The following RPTOR variants were observed in gnomAD, a reference collection of about 807,000 sequenced individuals.
The protein encoded by RPTOR is regulatory-associated protein of mTOR.
Under a neutral mutation model 169.9 loss-of-function variants are expected in RPTOR, and 21 were observed. The observed-to-expected ratio is 0.12, with a 90% confidence interval of 0.09 to 0.18. RPTOR has a LOEUF of 0.18. Among genes scored for constraint, RPTOR ranks in the 10% least tolerant of loss-of-function variants. The pLI, the probability that RPTOR is intolerant of heterozygous loss-of-function variation, is 1.00. For synonymous variants in RPTOR, 732 were observed against 753.2 expected (o/e 0.97, Z 0.46); for missense variants, 1,133 against 1,855.9 (o/e 0.61, Z 7.16).
intron 2 of RPTOR, among the ~76,000 whole-genome samples, chr17:80,635,130 A>T (rs1050003305): frequency 6.6e-6 from 1 of 151,866 alleles, no homozygotes; most frequent in African/African-American, 2.4e-5. Context: ...TCCTGTGTGA[A>T]CCCTCTTCTC....
At position 80,707,066 on chromosome 17, in the gene RPTOR, A is replaced by AT. The variant is rs2066147377; in HGVS notation, c.349-773dup. On this transcript the variant is annotated intron_variant, in intron 3 of 33. Transcript: ENST00000306801. The surrounding 1 kb of genome is among the most constrained non-coding windows in gnomAD (Gnocchi z 5.0). ...ATTGATTGTTCTCTGTCAGTTTTAG[A>AT]TTCTGCTCATTCAGGGTTAAGGGCC... 6.6e-6 allele frequency among the ~76,000 whole-genome samples: 1 copy of AT among 152,070 alleles called. No individual in the cohort carries two copies. The highest frequency in any genetic ancestry group is 1.5e-5 in the Non-Finnish European group (1 of 68,014).
At chr17:80,779,449 G>A (rs916790400) in intron 6 of RPTOR, among the ~76,000 whole-genome samples, 1 of 152,202 alleles carries the variant, frequency 6.6e-6, no homozygotes, top group Non-Finnish European at 1.5e-5. Flanking sequence ...CGCAAGCAGC[G>A]TGCGGATCTC....
intron 9 of RPTOR, among the ~76,000 whole-genome samples, chr17:80,827,125 T>C (rs1238034346): frequency 2.0e-5 from 3 of 152,164 alleles, no homozygotes; most frequent in Non-Finnish European, 4.4e-5. Flanking sequence ...TGAAGCTGAT[T>C]TGTGCTGAAA....
At position 80,766,092 on chromosome 17, in the gene RPTOR, G is replaced by A. The variant is rs140114013; in HGVS notation, c.830+11907G>A. On this transcript the variant is annotated intron_variant, in intron 6 of 33. Transcript: ENST00000306801. ...TTTTTTTAAGACGTGATCTTGCTTTGTCACCCAGGCTGGAGTGCAGTGGTG... is the reference window on the plus strand; with the variant it reads ...TTTTTTTAAGACGTGATCTTGCTTTATCACCCAGGCTGGAGTGCAGTGGTG... 1.3e-3 allele frequency among the ~76,000 whole-genome samples: 205 copies of A among 152,200 alleles called. 1 individual carries two copies. Among genetic ancestry groups the A allele is most frequent in the African/African-American group, 4.7e-3 (195 of 41,534 alleles).
At chr17:80,753,708 T>TA (rs2066652858) in intron 5 of RPTOR, among the ~76,000 whole-genome samples, 1 of 150,032 alleles carries the variant, frequency 6.7e-6, no homozygotes, top group Non-Finnish European at 1.5e-5. Context: ...TGGACAGTGA[T>TA]ACAATCCTGG....
intron 1 of RPTOR, among the ~76,000 whole-genome samples, chr17:80,600,856 C>T (rs1033589410): frequency 6.6e-6 from 1 of 151,228 alleles, no homozygotes; most frequent in Non-Finnish European, 1.5e-5. Flanking sequence ...CAGCATCTCC[C>T]GCCGCACGTG....
intron 4 of RPTOR, among the ~76,000 whole-genome samples, chr17:80,717,614 C>G (rs906448703): frequency 1.3e-5 from 2 of 152,308 alleles, no homozygotes; most frequent in African/African-American, 4.8e-5. Flanking sequence ...AGTCTTTCAG[C>G]CTTCAGATAG....
At chr17:80,608,910 G>C (rs775024320) in intron 1 of RPTOR, among the ~76,000 whole-genome samples, 1 of 152,234 alleles carries the variant, frequency 6.6e-6, no homozygotes, top group Non-Finnish European at 1.5e-5. Flanking sequence ...AGGGTGGTCA[G>C]ACGCCTATTA....
chr17:80,696,648 G>C (rs2066039201), intron 3 of RPTOR, among the ~76,000 whole-genome samples: 1 of 152,244 alleles, frequency 6.6e-6, no homozygotes, highest in South Asian at 2.1e-4. Flanking sequence ...AGTGGGCGCA[G>C]AAGGGACACA....
chr17:80,796,351 G>C (rs963924876), intron 7 of RPTOR, among the ~76,000 whole-genome samples: 1 of 152,220 alleles, frequency 6.6e-6, no homozygotes, highest in African/African-American at 2.4e-5. Flanking sequence ...ATCACACTGG[G>C]TAATTTATAA....
At chr17:80,576,652 G>A (rs1208923877) in intron 1 of RPTOR, among the ~76,000 whole-genome samples, 3 of 152,138 alleles carry the variant, frequency 2.0e-5, no homozygotes, top group East Asian at 1.9e-4. Flanking sequence ...TTCTCATGAC[G>A]GTCTACTGAT....
intron 11 of RPTOR, among the ~76,000 whole-genome samples, chr17:80,854,196 G>A (rs527434382): frequency 1.9e-4 from 29 of 152,306 alleles, no homozygotes; most frequent in African/African-American, 6.7e-4. Context: ...AAATCCAGAT[G>A]AAAAGGATGT....
intron 1 of RPTOR, among the ~76,000 whole-genome samples, chr17:80,604,793 T>C (rs944799880): frequency 2.0e-5 from 3 of 152,130 alleles, no homozygotes; most frequent in African/African-American, 7.2e-5. Flanking sequence ...TTATTCACCA[T>C]CATGAGAACA....
rs1224221766 is a variant in RPTOR at position 80,841,811 on chromosome 17, G to A, written c.1212+3814G>A. On this transcript the variant is annotated intron_variant, in intron 10 of 33. Transcript: ENST00000306801. ...CACCGCACGGCAGCTCACACTCACC[G>A]CACGGCAGCTCACTCTCACCGCACG... Among the ~76,000 whole-genome samples, 295 of 105,934 alleles carry A rather than the reference G, an allele frequency of 2.8e-3. 2 individuals carry two copies. The highest frequency in any genetic ancestry group is 9.5e-3 in the African/African-American group (252 of 26,558). The allele number at this position is 105,934 out of a possible 152,430, so 69.5% of individuals were successfully genotyped here. A position where few individuals can be genotyped will look rare whatever the true frequency, so the allele number is the denominator to read the frequency against.
intron 14 of RPTOR, 75 bp downstream of exon 14, chr17:80,880,564 G>A: frequency 7.1e-7 from 1 of 1,412,444 alleles, no homozygotes; most frequent in Non-Finnish European, 1.0e-6. Context: ...GCACTGCGGT[G>A]GGGCCTTTTG....
chr17:80,668,684 T>C (rs890605056), intron 3 of RPTOR, among the ~76,000 whole-genome samples: 11 of 152,232 alleles, frequency 7.2e-5, no homozygotes, highest in African/African-American at 2.7e-4. Flanking sequence ...GATCTCCTCT[T>C]TTCTGTCCAG....
At chr17:80,589,163 G>A (rs2065085117) in intron 1 of RPTOR, among the ~76,000 whole-genome samples, 1 of 152,220 alleles carries the variant, frequency 6.6e-6, no homozygotes, top group Non-Finnish European at 1.5e-5. Flanking sequence ...CATATGGTAT[G>A]AAGTAAGGGC....
chr17:80,769,359 G>A (rs1224956058), intron 6 of RPTOR, among the ~76,000 whole-genome samples: 2 of 152,238 alleles, frequency 1.3e-5, no homozygotes, highest in Non-Finnish European at 2.9e-5. Context: ...AGCCATTTCA[G>A]TGCACTCTGA....
chr17:80,893,260 G>A (rs2068349636), intron 19 of RPTOR, among the ~76,000 whole-genome samples: 1 of 151,226 alleles, frequency 6.6e-6, no homozygotes, highest in African/African-American at 2.4e-5. Context: ...CAGGGTGTGT[G>A]CGCCAGGGTG....
Sources: allele counts gnomAD v4.1 joint callset (sites outside exome capture counted in the v4.1 genomes callset), GRCh38; gene constraint gnomAD v4.1.1; non-coding constraint Gnocchi (gnomAD v3.1); transcripts MANE v1.5; gene names NCBI Gene and HGNC (gene_info 2026-07-23, HGNC 2026-07-21).